PM20D2: variants seen among roughly 807,000 people sequenced by gnomAD.
The protein encoded by PM20D2 is peptidase M20 domain containing 2, also known as xaa-Arg dipeptidase.
A neutral mutation model predicts 42.9 loss-of-function variants in PM20D2; 33 were observed. That is an observed-to-expected ratio of 0.77 (90% CI 0.58 to 1.03). The LOEUF (loss-of-function observed/expected upper bound fraction) is 1.03. PM20D2 is among the 50% of genes least tolerant of loss of function. The pLI, the probability that PM20D2 is intolerant of heterozygous loss-of-function variation, is 0.00. For synonymous variants in PM20D2, 250 were observed against 228.2 expected (o/e 1.10, Z -0.86); for missense variants, 548 against 557.0 (o/e 0.98, Z 0.16).
chr6:89,112,990 C>T, the PM20D2 span, among the ~76,000 whole-genome samples: 11 of 152,102 alleles, frequency 7.2e-5, no homozygotes, highest in African/African-American at 1.9e-4. Flanking sequence ...CTAGAAGCAA[C>T]GGGCCACACC....
At chr6:89,134,685 A>G in the PM20D2 span, among the ~76,000 whole-genome samples, 1 of 151,232 alleles carries the variant, frequency 6.6e-6, no homozygotes, top group Non-Finnish European at 1.5e-5. Flanking sequence ...GGGCAACTAT[A>G]TAAGAACACA....
chr6:89,133,630 T>C, the PM20D2 span, among the ~76,000 whole-genome samples: 1 of 151,296 alleles, frequency 6.6e-6, no homozygotes, highest in Admixed American at 6.5e-5. Flanking sequence ...TAAAGAGAAA[T>C]GTAATAAGAG....
intron 3 of PM20D2, among the ~76,000 whole-genome samples, chr6:89,153,984 GTTTAA>G (rs963303448): frequency 1.3e-5 from 2 of 152,068 alleles, no homozygotes; most frequent in African/African-American, 4.8e-5. Flanking sequence ...GCACACATTT[GTTTAA>G]TTTATTTCCT....
the PM20D2 span, among the ~76,000 whole-genome samples, chr6:89,138,723 GGT>G: frequency 6.6e-6 from 1 of 152,068 alleles, no homozygotes; most frequent in African/African-American, 2.4e-5. Flanking sequence ...AAATTAGATG[GGT>G]GTAGTGGTGC....
At chr6:89,097,490 T>C in the PM20D2 span, 1 of 149,934 alleles carries the variant, frequency 6.7e-6, no homozygotes, top group African/African-American at 2.5e-5. Flanking sequence ...AAGTTGTTTT[T>C]TGAAGATGTA....
intron 5 of PM20D2, among the ~76,000 whole-genome samples, chr6:89,159,100 T>C (rs1255046219): frequency 6.6e-6 from 1 of 152,138 alleles, no homozygotes; most frequent in Non-Finnish European, 1.5e-5. Context: ...ATGTTAAACT[T>C]GAGGTGCTTA....
chr6:89,099,787 G>A, the PM20D2 span, among the ~76,000 whole-genome samples: 5 of 151,846 alleles, frequency 3.3e-5, no homozygotes, highest in African/African-American at 1.2e-4. Flanking sequence ...CCCCTGCCTC[G>A]GCCTCCTAAA....
Position 89,162,242 on chromosome 6 carries a change from GT to G in PM20D2, c.1293del (p.Phe431LeufsTer2). ...TTAAACTGAAACTTCAAGAAGAACA[GT>G]TTGTAAATGCAGTAGAATAAAAGAC... Reference protein sequence around the residue: ...DFKLKLQEEQFVNAVE With the variant: ...DFKLKLQEEQXVNAVE On this transcript the variant is annotated frameshift_variant, in exon 7 of 7. Coordinates refer to ENST00000275072, the MANE Select transcript of PM20D2 (RefSeq NM_001010853.3). LOFTEE classifies it high-confidence loss of function. 1 of 1,613,626 alleles carries G rather than the reference GT, an allele frequency of 6.2e-7. No homozygotes were observed. Among genetic ancestry groups the G allele is most frequent in the Non-Finnish European group, 8.5e-7 (1 of 1,179,818 alleles).
At chr6:89,113,917 A>G in the PM20D2 span, among the ~76,000 whole-genome samples, 19 of 152,172 alleles carry the variant, frequency 1.2e-4, no homozygotes, top group Non-Finnish European at 2.6e-4. Context: ...TGCTGGGATT[A>G]CAGGCATGAG....
chr6:89,144,486 A>C (rs1770453033), upstream of PM20D2, among the ~76,000 whole-genome samples: 1 of 152,208 alleles, frequency 6.6e-6, no homozygotes, highest in South Asian at 2.1e-4. Flanking sequence ...ATGGTGGCTG[A>C]AAGTCAGCCA....
At chr6:89,154,383 C>T (rs1378744468) in intron 3 of PM20D2, among the ~76,000 whole-genome samples, 1 of 152,036 alleles carries the variant, frequency 6.6e-6, no homozygotes, top group Non-Finnish European at 1.5e-5. Flanking sequence ...TATAGAACCT[C>T]ATACCATTGT....
the PM20D2 span, among the ~76,000 whole-genome samples, chr6:89,119,143 A>G: frequency 1.3e-5 from 2 of 152,170 alleles, no homozygotes; most frequent in African/African-American, 2.4e-5. Flanking sequence ...AACGGTGGCT[A>G]TTCTTTCATT....
At chr6:89,105,160 A>G in the PM20D2 span, 2 of 1,612,798 alleles carry the variant, frequency 1.2e-6, no homozygotes, top group Non-Finnish European at 1.7e-6. Flanking sequence ...TTCCCCATGA[A>G]GAACTTCTAC....
chr6:89,154,895 G>A lies in PM20D2; in HGVS notation c.905G>A (p.Gly302Glu). 1 of 1,587,754 alleles carries A rather than the reference G, an allele frequency of 6.3e-7. No homozygotes were observed. Among genetic ancestry groups the A allele is most frequent in the Non-Finnish European group, 8.5e-7 (1 of 1,170,670 alleles). ...TTCAGAGCTGCAGCTTTGGCTTCAG[G>A]GTGCACAGTAAGAACTTTTAAAAGT... ...DCFRAAALAS[G>E]CTVEIKGGAH... Residue 302 changes from glycine to glutamate, a missense_variant, in exon 4 of 7, where the codon GGG (glycine) becomes GAG (glutamate). Physicochemically the swap from Gly to Glu is moderately conservative, Grantham distance 98. This residue lies in a region of PM20D2 where 470 missense variants were observed against 464.4 expected (regional missense o/e 1.01). Coordinates refer to ENST00000275072, the MANE Select transcript of PM20D2 (RefSeq NM_001010853.3).
intron 3 of PM20D2, among the ~76,000 whole-genome samples, 186 bp from the exon 4 acceptor site, chr6:89,154,559 AAAT>A (rs1770965836): frequency 6.6e-6 from 1 of 152,208 alleles, no homozygotes; most frequent in South Asian, 2.1e-4. Context: ...ATCAGCCAAA[AAAT>A]ATCACCCTAT....
chr6:89,116,276 T>A, the PM20D2 span, among the ~76,000 whole-genome samples: 1 of 152,226 alleles, frequency 6.6e-6, no homozygotes, highest in Non-Finnish European at 1.5e-5. Context: ...CTGAAGAGGC[T>A]TGATGCTTAT....
intron 2 of PM20D2, among the ~76,000 whole-genome samples, chr6:89,150,116 G>A (rs1419404158): frequency 6.6e-6 from 1 of 152,206 alleles, no homozygotes; most frequent in Non-Finnish European, 1.5e-5. Context: ...TTCCTCAGAA[G>A]TAGCTCGGTA....
At position 89,149,522 on chromosome 6, in the gene PM20D2, T is replaced by C. The variant is rs528342964; in HGVS notation, c.614+109T>C. The C allele has an allele frequency of 9.0e-6, 12 of 1,328,136 alleles. No individual in the cohort carries two copies. The East Asian group carries it at 2.3e-4, about 26-fold the overall frequency. 82.3% of individuals were successfully genotyped at this position (1,328,136 alleles called of 1,614,324 possible). On this transcript the variant is annotated intron_variant, in intron 2 of 6. Coordinates refer to ENST00000275072, the MANE Select transcript of PM20D2 (RefSeq NM_001010853.3). ...CACATTTGTATATTTAAGAAGTAAA[T>C]TGAAAGACAATAACAAGATGTCTTG... is the stretch of plus-strand genomic sequence containing the variant.
At chr6:89,103,557 G>A in the PM20D2 span, among the ~76,000 whole-genome samples, 4 of 152,206 alleles carry the variant, frequency 2.6e-5, no homozygotes, top group African/African-American at 9.6e-5. Flanking sequence ...TCGAACTCCT[G>A]ACCTCAGGTG....
Sources: gnomAD v4.1 joint callset for allele counts (sites outside exome capture counted in the v4.1 genomes callset) on GRCh38, gnomAD v4.1.1 for gene constraint, gnomAD v4.1.1 regional missense constraint, MANE v1.5 for transcripts, NCBI Gene and HGNC (gene_info 2026-07-23, HGNC 2026-07-21) for gene names.